CNN3: variants seen among roughly 807,000 people sequenced by gnomAD.
CNN3 encodes the protein calponin 3.
CNN3 carries 11 observed loss-of-function variants against 39.0 expected under a neutral mutation model. The observed-to-expected ratio is 0.28, with a 90% CI of 0.18 to 0.47. CNN3 has a LOEUF of 0.47. Ranked by LOEUF, CNN3 falls within the 20% of genes least tolerant of loss-of-function variation. The pLI, the probability that CNN3 is intolerant of heterozygous loss-of-function variation, is 0.99. For missense variants in CNN3, 266 were observed against 403.4 expected (o/e 0.66, Z 2.92); for synonymous variants, 101 against 138.3 (o/e 0.73, Z 1.89).
intron 3 of CNN3, among the ~76,000 whole-genome samples, chr1:94,902,617 A>C (rs558313460): frequency 6.6e-6 from 1 of 152,320 alleles, no homozygotes; most frequent in South Asian, 2.1e-4. Context: ...ATAATTCATT[A>C]TGTGTTATTT....
At chr1:94,920,137 G>A (rs1671402775) in intron 1 of CNN3, among the ~76,000 whole-genome samples, 1 of 152,200 alleles carries the variant, frequency 6.6e-6, no homozygotes, top group African/African-American at 2.4e-5. Context: ...ACCAAGCCCG[G>A]TAAGCAAGAC....
intron 1 of CNN3, among the ~76,000 whole-genome samples, chr1:94,909,329 C>G (rs1671098570): frequency 6.6e-6 from 1 of 152,166 alleles, no homozygotes; most frequent in South Asian, 2.1e-4. Flanking sequence ...CCAACAAAAT[C>G]TTATTCCTTT....
At chr1:94,902,094 A>C in intron 4 of CNN3, 27 bp downstream of exon 4, 1 of 1,591,688 alleles carries the variant, frequency 6.3e-7, no homozygotes, top group Non-Finnish European at 8.6e-7. Context: ...GGAATCTGTT[A>C]ACCAGCCATT....
chr1:94,906,544 C>A (rs7534566), intron 1 of CNN3, among the ~76,000 whole-genome samples: 19,736 of 152,016 alleles, frequency 0.13, 1,428 homozygotes, highest in African/African-American at 0.18. Context: ...ACATAATATG[C>A]TAGGGTGAGA....
chr1:94,914,085 A>G (rs920933403), intron 1 of CNN3, among the ~76,000 whole-genome samples: 1 of 152,198 alleles, frequency 6.6e-6, no homozygotes, highest in South Asian at 2.1e-4. Context: ...AGAATATTTA[A>G]GAGTCTAACA....
In CNN3 at chr1:94,912,516, G is replaced by A. The variant is rs538734755; in HGVS notation, c.58-8992C>T. 2.0e-5 allele frequency among the ~76,000 whole-genome samples: 3 copies of A among 152,186 alleles called. No individual in the cohort carries two copies. In the South Asian group the frequency reaches 6.2e-4, roughly 32 times the overall value. ...GAGAGTGTGCAAGCAAGCACTCAGG[G>A]AGAAGGGCAGCCATCACCAAGGCTG... On this transcript the variant is annotated intron_variant, in intron 1 of 6. Coordinates refer to ENST00000370206, the MANE Select transcript of CNN3 (RefSeq NM_001839.5).
chr1:94,900,350 C>A (rs181631327), intron 5 of CNN3, among the ~76,000 whole-genome samples: 1 of 152,104 alleles, frequency 6.6e-6, no homozygotes, highest in Non-Finnish European at 1.5e-5. Context: ...TTGTGAATAT[C>A]CTTTTAGCTT....
At chr1:94,921,494 T>C (rs922496119) in intron 1 of CNN3, among the ~76,000 whole-genome samples, 3 of 152,114 alleles carry the variant, frequency 2.0e-5, no homozygotes, top group African/African-American at 7.2e-5. Flanking sequence ...TTGTGCTTAC[T>C]TTTTTTATGC....
chr1:94,903,211 C>A (rs781734730), intron 2 of CNN3, 23 bp from the exon 3 acceptor site: 1 of 1,603,840 alleles, frequency 6.2e-7, no homozygotes, highest in South Asian at 1.1e-5. Flanking sequence ...ATATGAGAGA[C>A]ATCTTATTTA....
chr1:94,906,909 C>T (rs1194783703), intron 1 of CNN3, among the ~76,000 whole-genome samples: 2 of 152,160 alleles, frequency 1.3e-5, no homozygotes, highest in African/African-American at 4.8e-5. Context: ...TGCCATGCCC[C>T]AAACCACGAA....
intron 1 of CNN3, among the ~76,000 whole-genome samples, chr1:94,913,343 TC>T (rs1671209958): frequency 6.6e-6 from 1 of 152,226 alleles, no homozygotes; most frequent in Non-Finnish European, 1.5e-5. Flanking sequence ...CCCAGAGTGA[TC>T]ATCACCATAC....
intron 6 of CNN3, among the ~76,000 whole-genome samples, chr1:94,898,579 G>A (rs1007590111): frequency 3.3e-5 from 5 of 152,050 alleles, no homozygotes; most frequent in African/African-American, 1.2e-4. Context: ...TTTTCAAAAG[G>A]CTGAGATACA....
At chr1:94,912,533 C>A (rs558193531) in intron 1 of CNN3, among the ~76,000 whole-genome samples, 1 of 152,092 alleles carries the variant, frequency 6.6e-6, no homozygotes, top group Admixed American at 6.5e-5. Flanking sequence ...GCAGCCATCA[C>A]CAAGGCTGCA....
intron 1 of CNN3, among the ~76,000 whole-genome samples, chr1:94,922,487 A>G (rs1243815169): frequency 6.6e-6 from 1 of 152,248 alleles, no homozygotes; most frequent in Admixed American, 6.5e-5. Context: ...ACCCGCGAAT[A>G]AGAGAGCTTT....
rs144948219 is a variant in CNN3 at position 94,903,551 on chromosome 1, A to G, written c.58-27T>C. The G allele has an allele frequency of 1.5e-4, 248 of 1,613,218 alleles. No individual in the cohort carries two copies. In the African/African-American group the frequency reaches 2.9e-3, roughly 19 times the overall value. On this transcript the variant is annotated intron_variant, in intron 1 of 6. Transcript: ENST00000370206. ...TGAAATACAGGTTAACTCACTTTAG[A>G]AGAATTTCACAAAAGCATCAGAAAC...
chr1:94,899,735 A>T lies in CNN3; in HGVS notation c.502-218T>A, dbSNP rs568777027. Among the ~76,000 whole-genome samples the T allele has an allele frequency of 5.3e-5, 8 of 152,342 alleles. No homozygotes were observed. The East Asian group carries it at 1.4e-3, about 26-fold the overall frequency. On this transcript the variant is annotated intron_variant, in intron 5 of 6. Coordinates refer to ENST00000370206, the MANE Select transcript of CNN3 (RefSeq NM_001839.5). ...TCACTATAGATAAAAACTCATACATAGAAGAATTAAACACACTTTAACAGG... is the reference window on the plus strand; with the variant it reads ...TCACTATAGATAAAAACTCATACATTGAAGAATTAAACACACTTTAACAGG...
chr1:94,917,575 A>G (rs992442180), intron 1 of CNN3, among the ~76,000 whole-genome samples: 8 of 152,224 alleles, frequency 5.3e-5, no homozygotes, highest in East Asian at 1.9e-4. Context: ...TTTTTTGGAG[A>G]GCAATTTGGC....
At chr1:94,908,237 G>C (rs1448283249) in intron 1 of CNN3, among the ~76,000 whole-genome samples, 5 of 152,164 alleles carry the variant, frequency 3.3e-5, no homozygotes, top group African/African-American at 1.2e-4. Flanking sequence ...GCCTCCTAGG[G>C]CATAGGATAC....
intron 1 of CNN3, chr1:94,925,485 G>T: frequency 1.9e-6 from 1 of 525,000 alleles, no homozygotes; most frequent in Non-Finnish European, 2.4e-6. Context: ...CAACACGTTT[G>T]AAAAGGTAAA....
Sources: allele counts gnomAD v4.1 joint callset (sites outside exome capture counted in the v4.1 genomes callset), GRCh38; gene constraint gnomAD v4.1.1; transcripts MANE v1.5; gene names NCBI Gene and HGNC (gene_info 2026-07-23, HGNC 2026-07-21).